The following DUOX2 variants were observed in gnomAD, a reference collection of about 807,000 sequenced individuals.
DUOX2 encodes NADH/NADPH thyroid oxidase p138-tox.
A neutral mutation model predicts 183.3 loss-of-function variants in DUOX2; 185 were observed. The observed-to-expected ratio is 1.01, with a 90% CI of 0.90 to 1.14. The LOEUF is 1.14. Ranked by LOEUF, DUOX2 falls within the 50% of genes most tolerant of loss-of-function variation. The pLI is 0.00. For synonymous variants in DUOX2, 788 were observed against 812.4 expected (o/e 0.97, Z 0.51); for missense variants, 1,999 against 2,022.9 (o/e 0.99, Z 0.23).
Position 45,097,373 on chromosome 15 carries a change from A to AGCT in DUOX2, c.3709_3711dup (p.Ser1237dup), listed in dbSNP as rs766871326. The AGCT allele has an allele frequency of 1.7e-5, 27 of 1,614,252 alleles. No individual in the cohort carries two copies. In the East Asian group the frequency reaches 5.8e-4, roughly 35 times the overall value. Reference sequence around the variant, plus strand: ...AAAGTGGGCAGCTGGATCAGAGCATAGCTGCCATGGATGATGAGCTGGAGA... The same window carrying AGCT: ...AAAGTGGGCAGCTGGATCAGAGCATAGCTGCTGCCATGGATGATGAGCTGGAGA... On this transcript the variant is annotated inframe_insertion, in exon 29 of 34. Coordinates refer to ENST00000389039, the MANE Select transcript of DUOX2 (RefSeq NM_001363711.2).
rs758314957 is a variant in DUOX2, at chr15:45,108,993, C to T, written c.1235-41G>A. ...GACTAGACTATGGGCTTTGTCCTCT[C>T]CATCCTTTTTTGCCCTGCAGCCTTG... is the stretch of plus-strand genomic sequence containing the variant. On this transcript the variant is annotated intron_variant, in intron 11 of 33. Coordinates refer to ENST00000389039, the MANE Select transcript of DUOX2 (RefSeq NM_001363711.2). 1.9e-6 allele frequency: 3 copies of T among 1,612,526 alleles called. No individual in the cohort carries two copies. In the South Asian group the frequency reaches 3.3e-5, roughly 18 times the overall value.
chr15:45,109,833 C>A, intron 10 of DUOX2, 57 bp downstream of exon 10: 5 of 1,542,370 alleles, frequency 3.2e-6, no homozygotes, highest in African/African-American at 1.4e-5. Context: ...CTTTTCCCAG[C>A]CTGTGTGAAG....
In DUOX2 at chr15:45,111,936, G is replaced by A. The variant is rs539729191; in HGVS notation, c.345C>T (p.Asp115=). Residue 115 remains aspartate, a synonymous_variant, in exon 5 of 34, where the codon GAC becomes GAT. Transcript: ENST00000389039. The part of the protein sequence containing the change: ...GVFFGYHVLS[D]VVSVETPGCP... ...AACCGGGCGTTTCCACGCTCACCAC[G>A]TCGGAAAGAACATGGTAGCCTGCGG... The A allele has an allele frequency of 8.0e-5, 129 of 1,613,558 alleles. 1 individual carries two copies. The South Asian group carries it at 1.0e-3, about 13-fold the overall frequency.
chr15:45,099,232 G>C (rs573373651), intron 26 of DUOX2, 151 bp downstream of exon 26: 46 of 628,982 alleles, frequency 7.3e-5, no homozygotes, highest in South Asian at 3.3e-4. Context: ...GGATGGTCTC[G>C]ATCTCCTGAC....
In DUOX2 at chr15:45,094,228, G is replaced by T; in HGVS notation, c.4569C>A (p.Thr1523=). Residue 1523 remains threonine (T), a synonymous_variant, in exon 34 of 34, where the codon ACC becomes ACA. Coordinates refer to ENST00000389039, the MANE Select transcript of DUOX2 (RefSeq NM_001363711.2). ...GCTGACAGGCCTTCTCTACATTCTT[G>T]GTCATTCCTGGAGGGCCGCAGCTGA... ...GVFSCGPPGM[T]KNVEKACQLV... 1 of 1,614,084 alleles carries T rather than the reference G, an allele frequency of 6.2e-7. No homozygotes were observed. Among genetic ancestry groups the T allele is most frequent in the Non-Finnish European group, 8.5e-7 (1 of 1,180,018 alleles).
intron 20 of DUOX2, 101 bp downstream of exon 20, chr15:45,103,859 G>T: frequency 8.0e-7 from 1 of 1,253,886 alleles, no homozygotes; most frequent in Non-Finnish European, 1.2e-6. Context: ...TCTCAGCACA[G>T]ATGACCACAG....
chr15:45,109,501 A>G, intron 11 of DUOX2, 23 bp downstream of exon 11: 1 of 1,610,886 alleles, frequency 6.2e-7, no homozygotes, highest in South Asian at 1.1e-5. Flanking sequence ...CTTACCATCC[A>G]CCCCTTCTGG....
Position 45,099,885 on chromosome 15 carries a change from G to A in DUOX2, c.3192C>T (p.Gly1064=), listed in dbSNP as rs180716500. ...GVFADRAYYY[G]FASPPSDIAQ... ...CAATGTCCGAGGGTGGCGAGGCAAAGCCATAGTCTGGGGCCGGAGTGAGGT... is the reference window on the plus strand; with the variant it reads ...CAATGTCCGAGGGTGGCGAGGCAAAACCATAGTCTGGGGCCGGAGTGAGGT... Residue 1064 remains glycine, a synonymous_variant, in exon 25 of 34, where the codon GGC becomes GGT. Transcript: ENST00000389039. 7 of 1,614,078 alleles carry A rather than the reference G, an allele frequency of 4.3e-6. No individual in the cohort carries two copies. The African/African-American group carries it at 8.0e-5, about 18-fold the overall frequency.
At chr15:45,094,365 T>A in intron 33 of DUOX2, 93 bp from the exon 34 acceptor site, 3 of 1,592,752 alleles carry the variant, frequency 1.9e-6, no homozygotes, top group Non-Finnish European at 2.6e-6. Context: ...CTGGAATGAC[T>A]AAGGCTTCAA....
intron 14 of DUOX2, 94 bp from the exon 15 acceptor site, chr15:45,107,063 A>C: frequency 6.5e-7 from 1 of 1,528,300 alleles, no homozygotes; most frequent in South Asian, 1.2e-5. Flanking sequence ...CCAAGGTATC[A>C]TCTGTCTTCC....
intron 11 of DUOX2, 145 bp downstream of exon 11, chr15:45,109,379 C>A (rs904757316): frequency 1.3e-5 from 9 of 681,216 alleles, no homozygotes; most frequent in South Asian, 1.7e-5. Context: ...GTTCAAAGTT[C>A]ATTTTCTTCT....
At chr15:45,097,815 C>G in intron 27 of DUOX2, 74 bp from the exon 28 acceptor site, 2 of 1,607,914 alleles carry the variant, frequency 1.2e-6, no homozygotes, top group Non-Finnish European at 1.7e-6. Context: ...CAGCACATTC[C>G]CCTATCCTTC....
intron 22 of DUOX2, 121 bp downstream of exon 22, chr15:45,101,084 G>T: frequency 1.1e-6 from 1 of 897,978 alleles, no homozygotes; most frequent in Non-Finnish European, 1.8e-6. Context: ...GTGCTACCAT[G>T]AGCTACTTTC....
In DUOX2 at chr15:45,100,041, A is replaced by G; in HGVS notation, c.3184+9T>C. 6.2e-7 allele frequency: 1 copy of G among 1,614,218 alleles called. No individual in the cohort carries two copies. The highest frequency in any genetic ancestry group is 8.5e-7 in the Non-Finnish European group (1 of 1,180,024). Reference sequence around the variant, plus strand: ...TCCCTACCCACTGCCCACAGCCTGGAACTCTTACAGTAAGCACGATCTGCA... The same window carrying G: ...TCCCTACCCACTGCCCACAGCCTGGGACTCTTACAGTAAGCACGATCTGCA... On this transcript the variant is annotated intron_variant, in intron 24 of 33. Transcript: ENST00000389039.
rs1275411221 is a variant in DUOX2, at chr15:45,107,418, C to G, written c.1620G>C (p.Leu540=). Residue 540 remains leucine, a synonymous_variant, in exon 14 of 34, where the codon CTG becomes CTC. Transcript: ENST00000389039. ...KEIEDIRNTT[L]RDVLVAVINI... ...TGATAACAGCGACCAGCACGTCCCG[C>G]AGGGTGGTATTTCGGATGTCTTCAA... The G allele has an allele frequency of 1.2e-6, 2 of 1,614,230 alleles. No individual in the cohort carries two copies.
rs752226618 is a variant in DUOX2, at chr15:45,114,075, C to T, written c.-117G>A. 8 of 207,008 alleles carry T rather than the reference C, an allele frequency of 3.9e-5. No homozygotes were observed. The highest frequency in any genetic ancestry group is 2.0e-3 in the Middle Eastern group (1 of 504). The allele number at this position is 207,008 out of a possible 1,614,324, so 12.8% of individuals were successfully genotyped here. On this transcript the variant is annotated 5_prime_UTR_variant, in exon 1 of 34. Coordinates refer to ENST00000389039, the MANE Select transcript of DUOX2 (RefSeq NM_001363711.2). ...TTCACCCTCACTCTTCCAGCTCCGC[C>T]GATCCTCAGCCTCCCCGGCTGCACT...
chr15:45,112,476 C>G, intron 4 of DUOX2, 78 bp downstream of exon 4: 2 of 1,570,252 alleles, frequency 1.3e-6, no homozygotes, highest in African/African-American at 1.4e-5. Context: ...CCTGTGGACT[C>G]GCAGACGGGA....
chr15:45,104,033 G>C lies in DUOX2; in HGVS notation c.2581C>G (p.Arg861Gly). The C allele has an allele frequency of 1.2e-6, 2 of 1,614,126 alleles. No individual in the cohort carries two copies. The highest frequency in any genetic ancestry group is 1.3e-5 in the African/African-American group (1 of 75,018). The change falls in exon 20 of 34, where the codon CGT becomes GGT. Residue 861 changes from arginine to glycine, a missense_variant. Coordinates refer to ENST00000389039, the MANE Select transcript of DUOX2 (RefSeq NM_001363711.2). Reference sequence around the variant, plus strand: ...AGGTCATACATGGTAAACATTAGACGGGACTTATCCTCTGGGGAGCCTGGG... The same window carrying C: ...AGGTCATACATGGTAAACATTAGACCGGACTTATCCTCTGGGGAGCCTGGG... ...FMKGSPEDKS[R>G]LMFTMYDLDE...
chr15:45,108,357 GC>G, intron 12 of DUOX2, 135 bp from the exon 13 acceptor site: 1 of 1,043,220 alleles, frequency 9.6e-7, no homozygotes, highest in Non-Finnish European at 1.4e-6. Flanking sequence ...TCTTAGGCAA[GC>G]CCCCTCAGGC....
Sources: gnomAD v4.1 joint callset for allele counts on GRCh38, gnomAD v4.1.1 for gene constraint, MANE v1.5 for transcripts, NCBI Gene and HGNC (gene_info 2026-07-23, HGNC 2026-07-21) for gene names.